The following SASH1 variants were observed in gnomAD, a reference collection of about 807,000 sequenced individuals.
SASH1 encodes the protein SAM and SH3 domain-containing protein 1.
SASH1 carries 44 observed loss-of-function variants against 125.2 expected under a neutral mutation model. The ratio of observed to expected loss-of-function variants is 0.35; its 90% confidence interval spans 0.28 to 0.45. The LOEUF is 0.45. Ranked by LOEUF, SASH1 falls within the 20% of genes least tolerant of loss-of-function variation. The pLI is 1.00. For missense variants in SASH1, 1,426 were observed against 1,614.5 expected, an observed-to-expected ratio of 0.88 and a Z score of 2.00; for synonymous variants, 639 against 649.1, an observed-to-expected ratio of 0.98 and a Z score of 0.24.
the SASH1 span, among the ~76,000 whole-genome samples, chr6:148,251,855 C>G: frequency 8.0e-6 from 1 of 124,668 alleles, no homozygotes; most frequent in Non-Finnish European, 1.6e-5. Context: ...ACAACAGTCC[C>G]CAGAGTGTGA....
intron 1 of SASH1, among the ~76,000 whole-genome samples, chr6:148,368,634 T>C (rs964037488): frequency 4.6e-5 from 7 of 152,186 alleles, no homozygotes; most frequent in African/African-American, 7.2e-5. Flanking sequence ...GATGTCCTCA[T>C]TGGTGTTGTG....
the SASH1 span, among the ~76,000 whole-genome samples, chr6:148,201,088 A>T: frequency 6.6e-6 from 1 of 152,212 alleles, no homozygotes; most frequent in Non-Finnish European, 1.5e-5. Flanking sequence ...AATGAGAGAT[A>T]AAAACACCAT....
At chr6:148,213,662 A>G in the SASH1 span, among the ~76,000 whole-genome samples, 1 of 152,058 alleles carries the variant, frequency 6.6e-6, no homozygotes, top group African/African-American at 2.4e-5. Context: ...ATAAACAACC[A>G]ACTGGTCAGT....
chr6:148,367,701 A>G (rs758121254), intron 1 of SASH1, among the ~76,000 whole-genome samples: 9 of 152,214 alleles, frequency 5.9e-5, no homozygotes, highest in Admixed American at 3.9e-4. Context: ...CTTCTGCCCC[A>G]GGTTGGGGTG....
chr6:148,232,851 C>T, the SASH1 span, among the ~76,000 whole-genome samples: 1 of 152,156 alleles, frequency 6.6e-6, no homozygotes, highest in South Asian at 2.1e-4. Context: ...CTGAGCCTGG[C>T]ACCTGGCAGA....
chr6:148,194,739 C>A, the SASH1 span, among the ~76,000 whole-genome samples: 10 of 152,180 alleles, frequency 6.6e-5, no homozygotes, highest in Admixed American at 3.9e-4. Context: ...AACCCCGTCT[C>A]TACTAAAAAT....
the SASH1 span, among the ~76,000 whole-genome samples, chr6:148,231,508 A>C: frequency 6.6e-6 from 1 of 152,220 alleles, no homozygotes; most frequent in Non-Finnish European, 1.5e-5. Flanking sequence ...TTTTAAAAGA[A>C]TATTCATAAA....
At chr6:148,279,864 G>T (rs189944392) in intron 1 of SASH1, among the ~76,000 whole-genome samples, 23 of 151,870 alleles carry the variant, frequency 1.5e-4, no homozygotes. Context: ...GTGCATGCCT[G>T]TAGTCCCAGT....
chr6:148,516,876 C>G (rs942453890), intron 9 of SASH1, among the ~76,000 whole-genome samples: 3 of 152,112 alleles, frequency 2.0e-5, no homozygotes, highest in Non-Finnish European at 4.4e-5. Context: ...CTGGAGTCCT[C>G]GGAAAGCCAG....
the SASH1 span, among the ~76,000 whole-genome samples, chr6:148,233,005 C>T: frequency 2.0e-5 from 3 of 151,984 alleles, no homozygotes; most frequent in Admixed American, 2.0e-4. Flanking sequence ...CACCTGAGAT[C>T]GAGAGTTCAA....
At chr6:148,249,840 C>T in the SASH1 span, among the ~76,000 whole-genome samples, 1 of 152,178 alleles carries the variant, frequency 6.6e-6, no homozygotes, top group Non-Finnish European at 1.5e-5. Context: ...AGGGCCTGTG[C>T]ACCGCGGATT....
chr6:148,463,474 A>G (rs1583201645), intron 4 of SASH1, among the ~76,000 whole-genome samples: 1 of 152,290 alleles, frequency 6.6e-6, no homozygotes, highest in South Asian at 2.1e-4. Flanking sequence ...GAGTTTAATA[A>G]TATTCTAACC....
chr6:148,440,917 T>G (rs964434095), intron 4 of SASH1, among the ~76,000 whole-genome samples: 1 of 152,220 alleles, frequency 6.6e-6, no homozygotes, highest in African/African-American at 2.4e-5. Flanking sequence ...GTAATATTTT[T>G]GCTTCCTTGA....
chr6:148,470,411 G>A (rs966707100), intron 5 of SASH1, among the ~76,000 whole-genome samples: 1 of 152,222 alleles, frequency 6.6e-6, no homozygotes, highest in Non-Finnish European at 1.5e-5. Flanking sequence ...CCTGTTTCCA[G>A]TGGCCATGGA....
intron 1 of SASH1, among the ~76,000 whole-genome samples, chr6:148,310,064 G>A (rs11968910): frequency 0.27 from 40,661 of 152,056 alleles, 5,616 homozygotes; most frequent in South Asian, 0.35. Flanking sequence ...GCTCAGGCCT[G>A]TAATCCCAGC....
At chr6:148,327,678 C>T (rs1193829509) in intron 1 of SASH1, among the ~76,000 whole-genome samples, 5 of 150,900 alleles carry the variant, frequency 3.3e-5, no homozygotes, top group Non-Finnish European at 5.9e-5. Context: ...CAGTGGCTCA[C>T]GCCTGTAATC....
At chr6:148,295,837 T>TG (rs1779749920) in intron 1 of SASH1, among the ~76,000 whole-genome samples, 2 of 152,230 alleles carry the variant, frequency 1.3e-5, no homozygotes, top group African/African-American at 4.8e-5. Context: ...ACCTGGTGGG[T>TG]GGGGACAACT....
intron 4 of SASH1, among the ~76,000 whole-genome samples, chr6:148,457,553 G>T (rs1378454195): frequency 1.3e-5 from 2 of 152,124 alleles, no homozygotes; most frequent in African/African-American, 2.4e-5. Flanking sequence ...CATACATACA[G>T]CAAGGCTAGT....
rs143528664 is a variant in SASH1, at chr6:148,425,016, A to C, written c.286-15168A>C. On this transcript the variant is annotated intron_variant, in intron 2 of 19. Transcript: ENST00000367467. ...CATGGTCCCAGGGCAGAGCGGTGTA[A>C]GTGATTCCCATGAGCAGTACACAGG... 1.2e-3 allele frequency among the ~76,000 whole-genome samples: 177 copies of C among 152,322 alleles called. 2 individuals are homozygous for C. The highest frequency in any genetic ancestry group is 4.0e-3 in the African/African-American group (165 of 41,580).
Sources: gnomAD v4.1 joint callset for allele counts (sites outside exome capture counted in the v4.1 genomes callset) on GRCh38, gnomAD v4.1.1 for gene constraint, MANE v1.5 for transcripts, NCBI Gene and HGNC (gene_info 2026-07-23, HGNC 2026-07-21) for gene names.